Variants in AQP7B observed in about 807,000 individuals in gnomAD.
AQP7B encodes putative aquaporin-7B.
the AQP7B span, chr2:94,603,684 G>T: frequency 7.3e-7 from 1 of 1,377,834 alleles, no homozygotes; most frequent in Non-Finnish European, 9.8e-7. Context: ...AGGGGCCCAG[G>T]TGAGCTGCCA....
the AQP7B span, among the ~76,000 whole-genome samples, chr2:94,596,620 G>A: frequency 6.6e-6 from 1 of 152,186 alleles, no homozygotes; most frequent in South Asian, 2.1e-4. Flanking sequence ...ACCTTCGTGG[G>A]CTTTGGAGCT....
chr2:94,604,463 C>T, the AQP7B span: 1 of 1,611,180 alleles, frequency 6.2e-7, no homozygotes, highest in South Asian at 1.1e-5. Context: ...GATGGGATCT[C>T]ATGAACCCAT....
At chr2:94,594,453 T>A in the AQP7B span, among the ~76,000 whole-genome samples, 1 of 152,320 alleles carries the variant, frequency 6.6e-6, no homozygotes, top group South Asian at 2.1e-4. Context: ...TGGATTGCAC[T>A]TTCAGCTCCC....
chr2:94,589,545 G>GGT, the AQP7B span, among the ~76,000 whole-genome samples: 3 of 151,960 alleles, frequency 2.0e-5, no homozygotes, highest in Admixed American at 2.0e-4. Context: ...CATAGGAGCT[G>GGT]GTACCTTCGC....
the AQP7B span, among the ~76,000 whole-genome samples, chr2:94,598,613 T>C: frequency 2.8e-3 from 434 of 152,282 alleles, 2 homozygotes; most frequent in African/African-American, 9.8e-3. Context: ...CTGACTGTTG[T>C]CATGGAGGGT....
At chr2:94,594,216 G>A in the AQP7B span, among the ~76,000 whole-genome samples, 4 of 152,126 alleles carry the variant, frequency 2.6e-5, no homozygotes, top group East Asian at 1.9e-4. Flanking sequence ...ACAGAACCTG[G>A]CACATGTTTC....
the AQP7B span, among the ~76,000 whole-genome samples, chr2:94,592,221 G>A: frequency 1.5e-4 from 23 of 152,190 alleles, no homozygotes; most frequent in East Asian, 9.7e-4. Flanking sequence ...GGGTCACCTC[G>A]CCCTGCTAGG....
chr2:94,602,113 T>C, the AQP7B span, among the ~76,000 whole-genome samples: 9 of 151,006 alleles, frequency 6.0e-5, no homozygotes, highest in Admixed American at 5.9e-4. Context: ...TTGAAGAAAC[T>C]TCCTTCAGGT....
the AQP7B span, among the ~76,000 whole-genome samples, chr2:94,591,318 C>G: frequency 2.6e-5 from 4 of 152,316 alleles, no homozygotes; most frequent in African/African-American, 9.6e-5. Flanking sequence ...CTGTGCCCCA[C>G]GCTAGTCATT....
At chr2:94,602,607 G>A in the AQP7B span, 19 of 1,594,152 alleles carry the variant, frequency 1.2e-5, no homozygotes, top group African/African-American at 2.7e-5. Context: ...GTGGCAGGCC[G>A]CATCTCTGGT....
chr2:94,595,614 G>A, the AQP7B span, among the ~76,000 whole-genome samples: 1 of 152,210 alleles, frequency 6.6e-6, no homozygotes, highest in South Asian at 2.1e-4. Context: ...AAGCAGGACA[G>A]GCAAGGCTGG....
the AQP7B span, chr2:94,588,483 C>T: frequency 7.7e-6 from 5 of 645,936 alleles, no homozygotes; most frequent in South Asian, 1.8e-5. Flanking sequence ...AGTGACCTCT[C>T]TTTGGCTCCT....
the AQP7B span, among the ~76,000 whole-genome samples, chr2:94,592,773 A>T: frequency 7.1e-6 from 1 of 140,618 alleles, no homozygotes; most frequent in Admixed American, 7.2e-5. Flanking sequence ...AACTGGTATG[A>T]TCCCAGCCCT....
At chr2:94,596,409 G>A in the AQP7B span, among the ~76,000 whole-genome samples, 1 of 152,214 alleles carries the variant, frequency 6.6e-6, no homozygotes, top group African/African-American at 2.4e-5. Flanking sequence ...GGGAGGCAAA[G>A]GCAGCCAGGT....
the AQP7B span, chr2:94,603,004 T>C: frequency 6.3e-7 from 1 of 1,578,344 alleles, no homozygotes; most frequent in Admixed American, 1.8e-5. Flanking sequence ...TGTTCTGCTC[T>C]CACTCCCTGA....
the AQP7B span, among the ~76,000 whole-genome samples, chr2:94,594,337 T>C: frequency 1.1e-4 from 16 of 152,352 alleles, no homozygotes; most frequent in Admixed American, 2.6e-4. Flanking sequence ...AAGTTCTGGC[T>C]CTAGCAGATA....
the AQP7B span, chr2:94,603,790 C>T: frequency 5.9e-6 from 9 of 1,532,496 alleles, no homozygotes; most frequent in East Asian, 1.1e-4. Context: ...GCCAGGAACA[C>T]ACGCGCTGGT....
At chr2:94,589,090 C>A in the AQP7B span, among the ~76,000 whole-genome samples, 4 of 148,692 alleles carry the variant, frequency 2.7e-5, no homozygotes, top group African/African-American at 9.9e-5. Flanking sequence ...TCAAGTGATT[C>A]TCTTGCCTTA....
chr2:94,590,944 C>CAAAA, the AQP7B span, among the ~76,000 whole-genome samples: 75 of 48,016 alleles, frequency 1.6e-3, no homozygotes, highest in East Asian at 2.3e-3. Flanking sequence ...GACCCTGTCT[C>CAAAA]AAAAAAAAAA....
Sources: allele counts gnomAD v4.1 joint callset (sites outside exome capture counted in the v4.1 genomes callset), GRCh38; gene constraint gnomAD v4.1.1; transcripts MANE v1.5; gene names NCBI Gene and HGNC (gene_info 2026-07-23, HGNC 2026-07-21).